Variants in NR2C2 observed in about 807,000 individuals in gnomAD.
NR2C2 encodes the protein Nuclear hormone receptor TR4.
A neutral mutation model predicts 62.9 loss-of-function variants in NR2C2; 6 were observed. The observed-to-expected ratio is 0.10, with a 90% CI of 0.05 to 0.19. The LOEUF is 0.19. Ranked by LOEUF, NR2C2 falls within the 10% of genes least tolerant of loss-of-function variation. The pLI, the probability that NR2C2 is intolerant of heterozygous loss-of-function variation, is 1.00. For missense variants in NR2C2, 479 were observed against 762.7 expected (o/e 0.63, Z 4.38); for synonymous variants, 272 against 273.8 (o/e 0.99, Z 0.07).
chr3:14,990,224 T>C (rs2040631024), intron 1 of NR2C2, among the ~76,000 whole-genome samples: 1 of 152,222 alleles, frequency 6.6e-6, no homozygotes, highest in Non-Finnish European at 1.5e-5. Context: ...TTAAAAATGT[T>C]TTGAGTTGGT....
At chr3:15,033,595 T>C (rs1269721668) in intron 10 of NR2C2, among the ~76,000 whole-genome samples, 1 of 150,140 alleles carries the variant, frequency 6.7e-6, no homozygotes, top group African/African-American at 2.4e-5. Context: ...TTTGGGAGAA[T>C]GGCCTACCCC....
intron 6 of NR2C2, 117 bp downstream of exon 6, chr3:15,023,464 T>C (rs2041732975): frequency 1.7e-6 from 2 of 1,191,884 alleles, no homozygotes; most frequent in South Asian, 1.4e-5. Context: ...TCCAGCGTTG[T>C]GTTGCCTAAT....
intron 1 of NR2C2, among the ~76,000 whole-genome samples, chr3:14,981,602 CAAAAAAAAAA>C (rs927608192): frequency 5.3e-5 from 2 of 37,686 alleles, no homozygotes; most frequent in Non-Finnish European, 1.0e-4. Flanking sequence ...GGCTCTGTCT[CAAAAAAAAAA>C]AAAAAAAAAA....
At chr3:15,042,669 A>G (rs1559314503) in intron 13 of NR2C2, 165 bp from the exon 14 acceptor site, 1 of 608,816 alleles carries the variant, frequency 1.6e-6, no homozygotes, top group Admixed American at 3.1e-5. Context: ...TCTCATGATA[A>G]ATTTCTATAA....
chr3:14,986,308 G>A (rs2125347354), intron 1 of NR2C2, among the ~76,000 whole-genome samples: 1 of 152,176 alleles, frequency 6.6e-6, no homozygotes, highest in Non-Finnish European at 1.5e-5. Flanking sequence ...GATATGACAA[G>A]TCACATACTT....
chr3:14,955,515 G>A (rs773811475), intron 1 of NR2C2, among the ~76,000 whole-genome samples: 4 of 151,856 alleles, frequency 2.6e-5, no homozygotes, highest in Admixed American at 6.6e-5. Context: ...GGAATGTTGC[G>A]ATTTTAGAGT....
chr3:14,969,330 C>G (rs1253300304), intron 1 of NR2C2, among the ~76,000 whole-genome samples: 1 of 148,642 alleles, frequency 6.7e-6, no homozygotes, highest in African/African-American at 2.5e-5. Flanking sequence ...ACTGCAACAA[C>G]CACTTCCGTT....
chr3:15,028,926 CTTCTT>C (rs1362632013), intron 8 of NR2C2, among the ~76,000 whole-genome samples: 1 of 152,166 alleles, frequency 6.6e-6, no homozygotes, highest in Non-Finnish European at 1.5e-5. Flanking sequence ...ACAATCAAAA[CTTCTT>C]TTCATTCCCA....
chr3:14,999,225 A>C (rs2040916440), intron 1 of NR2C2, among the ~76,000 whole-genome samples: 1 of 152,198 alleles, frequency 6.6e-6, no homozygotes, highest in African/African-American at 2.4e-5. Flanking sequence ...CTGAAGCAGG[A>C]GAATCACTTG....
intron 10 of NR2C2, among the ~76,000 whole-genome samples, chr3:15,032,967 C>A (rs530156916): frequency 1.3e-5 from 2 of 151,032 alleles, no homozygotes; most frequent in Non-Finnish European, 2.9e-5. Flanking sequence ...ACAGGAAACC[C>A]CCCCCCCTTT....
At chr3:15,040,904 C>G (rs990286638) in intron 13 of NR2C2, among the ~76,000 whole-genome samples, 1 of 152,178 alleles carries the variant, frequency 6.6e-6, no homozygotes, top group Admixed American at 6.5e-5. Flanking sequence ...TTCCCATGGC[C>G]AAAAGATGGC....
chr3:14,999,668 G>T (rs1016220116), intron 1 of NR2C2, among the ~76,000 whole-genome samples: 7 of 140,902 alleles, frequency 5.0e-5, no homozygotes, highest in Non-Finnish European at 1.1e-4. Context: ...GATCCATTTT[G>T]ATTTTTTTTT....
At chr3:14,995,231 A>G (rs1342884523) in intron 1 of NR2C2, among the ~76,000 whole-genome samples, 1 of 150,490 alleles carries the variant, frequency 6.6e-6, no homozygotes, top group African/African-American at 2.4e-5. Context: ...TCACCTATTT[A>G]AGGTGTAGAA....
At chr3:15,042,586 G>A in intron 13 of NR2C2, 1 of 368,016 alleles carries the variant, frequency 2.7e-6, no homozygotes, top group Non-Finnish European at 4.9e-6. Flanking sequence ...TGGTGGTGGG[G>A]GTGAGGAGAG....
intron 1 of NR2C2, among the ~76,000 whole-genome samples, chr3:14,981,936 G>T (rs1283832554): frequency 6.6e-6 from 1 of 152,198 alleles, no homozygotes; most frequent in East Asian, 1.9e-4. Context: ...TAGCTGGGCT[G>T]GCAGCTAACT....
At chr3:15,018,284 A>G (rs1230010974) in intron 4 of NR2C2, among the ~76,000 whole-genome samples, 1 of 152,190 alleles carries the variant, frequency 6.6e-6, no homozygotes, top group African/African-American at 2.4e-5. Flanking sequence ...GGCATGAGCC[A>G]CCTTGCCCAG....
rs1213221232 is a variant in NR2C2, at chr3:15,044,266, C to G, written c.*1258C>G. The G allele has an allele frequency of 2.0e-5, 3 of 152,208 alleles. No homozygotes were observed. The highest frequency in any genetic ancestry group is 6.5e-5 in the Admixed American group (1 of 15,284). The allele number at this position is 152,208 out of a possible 1,614,324, so 9.4% of individuals were successfully genotyped here. A position where few individuals can be genotyped will look rare whatever the true frequency, so the allele number is the denominator to read the frequency against. ...TTAAAAATGTGTATAGACTCAGCAT[C>G]TCTGTTGGCAAGTCTGTTAATGTTA... On this transcript the variant is annotated 3_prime_UTR_variant, in exon 14 of 14. Transcript: ENST00000425241.
Position 15,023,314 on chromosome 3 carries a change from C to T in NR2C2, c.671C>T (p.Thr224Ile). The change falls in exon 6 of 14, where the codon ACT becomes ATT. Residue 224 changes from threonine (T) to isoleucine (I), a missense_variant. Transcript: ENST00000425241. ...RKDLRSPLIA[T>I]PTFVADKDGA... Reference sequence around the variant, plus strand: ...GACCTGAGAAGTCCCCTGATAGCTACTCCCACGTTTGTGGCAGACAAAGAT... The same window carrying T: ...GACCTGAGAAGTCCCCTGATAGCTATTCCCACGTTTGTGGCAGACAAAGAT... 1 of 1,614,216 alleles carries T rather than the reference C, an allele frequency of 6.2e-7. No individual in the cohort carries two copies. Among genetic ancestry groups the T allele is most frequent in the Non-Finnish European group, 8.5e-7 (1 of 1,180,032 alleles).
At chr3:15,008,492 A>T (rs1342963566) in intron 2 of NR2C2, among the ~76,000 whole-genome samples, 2 of 151,964 alleles carry the variant, frequency 1.3e-5, no homozygotes, top group Non-Finnish European at 2.9e-5. Context: ...GCTGCACTCC[A>T]GCCTGGGTGA....
Sources: gnomAD v4.1 joint callset for allele counts (sites outside exome capture counted in the v4.1 genomes callset) on GRCh38, gnomAD v4.1.1 for gene constraint, MANE v1.5 for transcripts, NCBI Gene and HGNC (gene_info 2026-07-23, HGNC 2026-07-21) for gene names.